The following PRKAR2A variants were observed in gnomAD, a reference collection of about 807,000 sequenced individuals.
The protein encoded by PRKAR2A is protein kinase cAMP-dependent type II regulatory subunit alpha.
In PRKAR2A, 29 loss-of-function variants were observed where a neutral mutation model predicts 51.9. The ratio of observed to expected loss-of-function variants is 0.56; its 90% confidence interval spans 0.42 to 0.76. PRKAR2A has a LOEUF of 0.76. Among genes scored for constraint, PRKAR2A ranks in the 30% least tolerant of loss-of-function variants. PRKAR2A has a pLI of 0.00. For synonymous variants in PRKAR2A, 178 were observed against 186.2 expected, an observed-to-expected ratio of 0.96 and a Z score of 0.36; for missense variants, 445 against 512.1, an observed-to-expected ratio of 0.87 and a Z score of 1.26.
chr3:48,838,677 T>C (rs1384582929), intron 1 of PRKAR2A, among the ~76,000 whole-genome samples: 1 of 148,230 alleles, frequency 6.7e-6, no homozygotes, highest in East Asian at 2.0e-4. Context: ...TGAGGAAAAA[T>C]GTTCTAAAAA....
chr3:48,829,806 CAT>C (rs201347670), intron 1 of PRKAR2A, among the ~76,000 whole-genome samples: 10,313 of 116,152 alleles, frequency 0.089, 629 homozygotes, highest in South Asian at 0.13. Context: ...CGTATATATA[CAT>C]ATATATGTAT....
At chr3:48,770,135 A>G (rs994078513) in intron 6 of PRKAR2A, among the ~76,000 whole-genome samples, 1 of 152,100 alleles carries the variant, frequency 6.6e-6, no homozygotes, top group Non-Finnish European at 1.5e-5. Context: ...CATGTGGTGC[A>G]AGGCCAGTTC....
chr3:48,807,825 A>G (rs2082696811), intron 1 of PRKAR2A, 141 bp from the exon 2 acceptor site: 1 of 622,610 alleles, frequency 1.6e-6, no homozygotes, highest in East Asian at 2.6e-5. Flanking sequence ...TTCCACACTC[A>G]ATCACAAATA....
At chr3:48,759,703 A>C (rs1418231309) in intron 8 of PRKAR2A, among the ~76,000 whole-genome samples, 6 of 152,086 alleles carry the variant, frequency 3.9e-5, no homozygotes, top group Non-Finnish European at 7.4e-5. Context: ...CCTGCTTTTC[A>C]AGTTCACTAA....
At chr3:48,846,130 T>C (rs941642103) in intron 1 of PRKAR2A, among the ~76,000 whole-genome samples, 1 of 152,056 alleles carries the variant, frequency 6.6e-6, no homozygotes, top group Non-Finnish European at 1.5e-5. Context: ...GAAGCTGCTC[T>C]CCTGATCTCA....
chr3:48,829,632 A>G (rs1295005832), intron 1 of PRKAR2A, among the ~76,000 whole-genome samples: 2 of 138,542 alleles, frequency 1.4e-5, no homozygotes, highest in Non-Finnish European at 3.1e-5. Context: ...GTGTGTATAC[A>G]CACACATAAA....
At chr3:48,771,903 T>C (rs2082034883) in intron 6 of PRKAR2A, among the ~76,000 whole-genome samples, 2 of 152,186 alleles carry the variant, frequency 1.3e-5, no homozygotes, top group African/African-American at 4.8e-5. Flanking sequence ...TAGCTGACAC[T>C]AGCTGATTTT....
At chr3:48,837,865 T>C (rs1488621163) in intron 1 of PRKAR2A, among the ~76,000 whole-genome samples, 3 of 151,110 alleles carry the variant, frequency 2.0e-5, no homozygotes, top group Admixed American at 6.6e-5. Context: ...GAGTACATTA[T>C]GCTAAGTGCC....
chr3:48,822,138 G>C (rs1210590495), intron 1 of PRKAR2A, among the ~76,000 whole-genome samples: 1 of 149,086 alleles, frequency 6.7e-6, no homozygotes, highest in Non-Finnish European at 1.5e-5. Context: ...TTGAACCAGG[G>C]AGGCAGAGGT....
Position 48,829,595 on chromosome 3 carries a change from C to CGTGTGTAT in PRKAR2A, c.262+17739_262+17740insATACACAC, listed in dbSNP as rs1559646282. On this transcript the variant is annotated intron_variant, in intron 1 of 10. Transcript: ENST00000265563. ...ATAAATATATATGTGTGTATATATA[C>CGTGTGTAT]ACACACATAAATGTGTGTGTGTATA... 3.4e-4 allele frequency among the ~76,000 whole-genome samples: 15 copies of CGTGTGTAT among 43,986 alleles called. 1 individual carries two copies. The East Asian group carries it at 0.018, about 53-fold the overall frequency. The allele number at this position is 43,986 out of a possible 152,430, so 28.9% of individuals were successfully genotyped here. A position where few individuals can be genotyped will look rare whatever the true frequency, so the allele number is the denominator to read the frequency against.
chr3:48,828,201 T>G (rs2083101199), intron 1 of PRKAR2A, among the ~76,000 whole-genome samples: 1 of 152,104 alleles, frequency 6.6e-6, no homozygotes, highest in South Asian at 2.1e-4. Flanking sequence ...TTTTCTCTTT[T>G]TTAAAGAAAT....
chr3:48,830,836 A>G (rs2083175340), intron 1 of PRKAR2A, among the ~76,000 whole-genome samples: 2 of 152,170 alleles, frequency 1.3e-5, no homozygotes. Flanking sequence ...CAGATGAGGC[A>G]TTTGGTTCTC....
chr3:48,845,466 GT>G (rs1442926253), intron 1 of PRKAR2A, among the ~76,000 whole-genome samples: 2 of 152,178 alleles, frequency 1.3e-5, no homozygotes, highest in African/African-American at 4.8e-5. Flanking sequence ...CTCAGAACTA[GT>G]TTTGTGTGTG....
At chr3:48,816,693 C>T (rs2082880416) in intron 1 of PRKAR2A, among the ~76,000 whole-genome samples, 1 of 152,088 alleles carries the variant, frequency 6.6e-6, no homozygotes, top group Non-Finnish European at 1.5e-5. Context: ...CAAACTTCAG[C>T]CTGCAGATAG....
intron 4 of PRKAR2A, among the ~76,000 whole-genome samples, chr3:48,786,797 A>G (rs2082301216): frequency 6.6e-6 from 1 of 152,180 alleles, no homozygotes; most frequent in African/African-American, 2.4e-5. Context: ...TTTTTGAGCA[A>G]TGAAATACTA....
At chr3:48,794,227 C>CTG (rs1415058131) in intron 2 of PRKAR2A, among the ~76,000 whole-genome samples, 178 bp from the exon 3 acceptor site, 1 of 150,986 alleles carries the variant, frequency 6.6e-6, no homozygotes, top group African/African-American at 2.4e-5. Flanking sequence ...TCTCGGCTCG[C>CTG]TGCAACCTCC....
At chr3:48,832,925 A>G (rs1311802195) in intron 1 of PRKAR2A, among the ~76,000 whole-genome samples, 1 of 152,202 alleles carries the variant, frequency 6.6e-6, no homozygotes, top group African/African-American at 2.4e-5. Flanking sequence ...TTCCTCATAC[A>G]GTCTCCAGAT....
intron 1 of PRKAR2A, among the ~76,000 whole-genome samples, chr3:48,822,033 G>C (rs777853645): frequency 1.3e-5 from 2 of 151,944 alleles, no homozygotes; most frequent in African/African-American, 2.4e-5. Context: ...AGACCAGCCT[G>C]GCCAACATGG....
chr3:48,847,344 C>G lies in PRKAR2A; in HGVS notation c.253G>C (p.Asp85His). 6.2e-7 allele frequency: 1 copy of G among 1,613,616 alleles called. No individual in the cohort carries two copies. The highest frequency in any genetic ancestry group is 1.1e-5 in the South Asian group (1 of 91,048). Residue 85 changes from aspartate to histidine, a missense_variant, in exon 1 of 11, where the codon GAC (aspartate) becomes CAC (histidine). Coordinates refer to ENST00000265563, the MANE Select transcript of PRKAR2A (RefSeq NM_004157.4). This position sits in a 1 kb window ranked among gnomAD's most constrained non-coding sequence, Gnocchi z 4.4. ...KGDSESEEDE[D>H]LEVPVPSRFN... ...CCCGCCCACAGCCTACCTTCCAAGT[C>G]CTCGTCCTCCTCCGACTCGCTGTCC...
Sources: allele counts gnomAD v4.1 joint callset (sites outside exome capture counted in the v4.1 genomes callset), GRCh38; gene constraint gnomAD v4.1.1; non-coding constraint Gnocchi (gnomAD v3.1); transcripts MANE v1.5; gene names NCBI Gene and HGNC (gene_info 2026-07-23, HGNC 2026-07-21).